Variants in ETNK1 observed in about 807,000 individuals in gnomAD.
The protein encoded by ETNK1 is ethanolamine kinase 1, also known as putative protein product of Nbla10396.
In ETNK1, 8 loss-of-function variants were observed where a neutral mutation model predicts 45.1. The ratio of observed to expected loss-of-function variants is 0.18; its 90% CI spans 0.10 to 0.32. The LOEUF is 0.32. Ranked by LOEUF, ETNK1 falls within the 10% of genes least tolerant of loss-of-function variation. ETNK1 has a pLI of 1.00. For synonymous variants in ETNK1, 152 were observed against 151.9 expected (o/e 1.00, Z -0.01); for missense variants, 302 against 430.6 (o/e 0.70, Z 2.64).
At chr12:22,640,996 A>G (rs1953728853) in intron 1 of ETNK1, among the ~76,000 whole-genome samples, 1 of 152,168 alleles carries the variant, frequency 6.6e-6, no homozygotes, top group African/African-American at 2.4e-5. Flanking sequence ...TTAATAGTAT[A>G]TTTTAGATGA....
chr12:22,655,422 C>T (rs1387130809), intron 2 of ETNK1, among the ~76,000 whole-genome samples: 3 of 151,402 alleles, frequency 2.0e-5, no homozygotes, highest in East Asian at 3.9e-4. Flanking sequence ...CTGCAACCTC[C>T]GCCGCCTGGG....
chr12:22,673,058 T>G (rs890083338), intron 5 of ETNK1, among the ~76,000 whole-genome samples: 2 of 152,146 alleles, frequency 1.3e-5, no homozygotes, highest in Non-Finnish European at 2.9e-5. Context: ...ATCATGCCAC[T>G]GCACTCCAGC....
At chr12:22,641,809 G>A (rs986699354) in intron 1 of ETNK1, among the ~76,000 whole-genome samples, 1 of 151,894 alleles carries the variant, frequency 6.6e-6, no homozygotes, top group African/African-American at 2.4e-5. Flanking sequence ...TTATTCTAGC[G>A]GTTTCTTTCC....
intron 2 of ETNK1, among the ~76,000 whole-genome samples, chr12:22,651,810 C>T (rs912201660): frequency 1.3e-5 from 2 of 151,238 alleles, no homozygotes; most frequent in African/African-American, 4.9e-5. Context: ...ATCAGCCTCT[C>T]GAGTAGCTGG....
At position 22,633,548 on chromosome 12, in the gene ETNK1, TA is replaced by T. The variant is rs1953611635; in HGVS notation, c.156+7963del. Among the ~76,000 whole-genome samples, 7 of 152,358 alleles carry T rather than the reference TA, an allele frequency of 4.6e-5. No homozygotes were observed. In the South Asian group the frequency reaches 1.4e-3, roughly 32 times the overall value. On this transcript the variant is annotated intron_variant, in intron 1 of 7. Coordinates refer to ENST00000266517, the MANE Select transcript of ETNK1 (RefSeq NM_018638.5). ...CTATTCTTGACTTTTTAAGTTGCCA[TA>T]TAAGTTGTAGACTCAATTTTGGGAT... is the stretch of plus-strand genomic sequence containing the variant.
intron 2 of ETNK1, among the ~76,000 whole-genome samples, chr12:22,651,384 C>T (rs1953872465): frequency 6.6e-6 from 1 of 152,280 alleles, no homozygotes; most frequent in East Asian, 1.9e-4. Flanking sequence ...TCTACTGGCA[C>T]AGCTGCTGGC....
At chr12:22,681,691 A>G (rs957517224) in intron 6 of ETNK1, among the ~76,000 whole-genome samples, 13 of 152,008 alleles carry the variant, frequency 8.6e-5, no homozygotes, top group African/African-American at 2.9e-4. Flanking sequence ...ATAGAATACT[A>G]TTTTTCAAAA....
rs1954130718 is a variant in ETNK1 at position 22,673,493 on chromosome 12, T to C, written c.785-7T>C. ...AATTTTTGAGTGTAGTTTTTTTTCT[T>C]CTAAAGGTGTGAGTGATGTAGACTA... On this transcript the variant is annotated splice_region_variant and splice_polypyrimidine_tract_variant and intron_variant, in intron 5 of 7. Coordinates refer to ENST00000266517, the MANE Select transcript of ETNK1 (RefSeq NM_018638.5). 1 of 1,570,564 alleles carries C rather than the reference T, an allele frequency of 6.4e-7. No individual in the cohort carries two copies. Among genetic ancestry groups the C allele is most frequent in the East Asian group, 2.3e-5 (1 of 44,402 alleles).
At chr12:22,675,830 C>T (rs1000902003) in intron 6 of ETNK1, among the ~76,000 whole-genome samples, 1 of 152,110 alleles carries the variant, frequency 6.6e-6, no homozygotes, top group African/African-American at 2.4e-5. Context: ...AATTGATAGA[C>T]ATAAAACTTC....
chr12:22,684,286 G>A (rs780143975), intron 6 of ETNK1, among the ~76,000 whole-genome samples, 197 bp from the exon 7 acceptor site: 5 of 151,988 alleles, frequency 3.3e-5, no homozygotes, highest in Non-Finnish European at 7.4e-5. Context: ...ATCTCCTTTG[G>A]TGTTGACGAA....
intron 1 of ETNK1, among the ~76,000 whole-genome samples, chr12:22,629,160 C>T (rs534525058): frequency 2.0e-5 from 3 of 152,160 alleles, no homozygotes; most frequent in African/African-American, 7.2e-5. Context: ...ATATTGGATA[C>T]TTGAATCAAA....
Position 22,659,194 on chromosome 12 carries a change from C to G in ETNK1, c.557+40C>G, listed in dbSNP as rs1008171670. Reference sequence around the variant, plus strand: ...ACATTTGAAATTATGTTTTACATTGCTTTGCTCTATGATAGGGTTTCAAAG... The same window carrying G: ...ACATTTGAAATTATGTTTTACATTGGTTTGCTCTATGATAGGGTTTCAAAG... On this transcript the variant is annotated intron_variant, in intron 3 of 7. Transcript: ENST00000266517. The G allele has an allele frequency of 2.5e-6, 4 of 1,575,572 alleles. No homozygotes were observed. In the East Asian group the frequency reaches 6.8e-5, roughly 27 times the overall value.
At chr12:22,647,851 C>T (rs183638712) in intron 2 of ETNK1, among the ~76,000 whole-genome samples, 6 of 151,848 alleles carry the variant, frequency 4.0e-5, no homozygotes, top group East Asian at 1.9e-4. Flanking sequence ...TTGGCTTTAA[C>T]GAGTATGGAA....
intron 6 of ETNK1, among the ~76,000 whole-genome samples, chr12:22,677,344 CCT>C (rs1954171953): frequency 6.6e-6 from 1 of 152,050 alleles, no homozygotes; most frequent in East Asian, 1.9e-4. Context: ...ATTTCTGAGA[CCT>C]CTGTTCTGTT....
chr12:22,662,065 C>G (rs1346116986), intron 4 of ETNK1, among the ~76,000 whole-genome samples: 1 of 146,002 alleles, frequency 6.8e-6, no homozygotes, highest in Non-Finnish European at 1.5e-5. Flanking sequence ...CACCCCCCCC[C>G]CCTTTTTTTT....
At chr12:22,654,630 G>A (rs990495713) in intron 2 of ETNK1, among the ~76,000 whole-genome samples, 4 of 152,068 alleles carry the variant, frequency 2.6e-5, no homozygotes, top group Admixed American at 6.6e-5. Flanking sequence ...CTGACCACAA[G>A]AACAGATCAA....
chr12:22,656,923 G>A, intron 2 of ETNK1: 2 of 553,770 alleles, frequency 3.6e-6, no homozygotes, highest in African/African-American at 2.0e-5. Context: ...ATGTAACACA[G>A]ATTGTATCTT....
rs955769861 is a variant in ETNK1 at position 22,689,158 on chromosome 12, A to G, written c.*4204A>G. The stretch of plus-strand genomic sequence containing the variant: ...ATTTCTCTGAACAGTTTTTACACTG[A>G]AAATCTTCATTTCTGGATTGCAGTT... On this transcript the variant is annotated 3_prime_UTR_variant, in exon 8 of 8. Coordinates refer to ENST00000266517, the MANE Select transcript of ETNK1 (RefSeq NM_018638.5). 6.6e-6 allele frequency: 1 copy of G among 151,972 alleles called. No homozygotes were observed. The highest frequency in any genetic ancestry group is 1.5e-5 in the Non-Finnish European group (1 of 67,828). 9.4% of individuals were successfully genotyped at this position (151,972 alleles called of 1,614,324 possible).
At chr12:22,674,251 C>G (rs1226007017) in intron 6 of ETNK1, among the ~76,000 whole-genome samples, 1 of 152,074 alleles carries the variant, frequency 6.6e-6, no homozygotes, top group Non-Finnish European at 1.5e-5. Flanking sequence ...TAATATGATA[C>G]ATTAGAATGA....
Sources: gnomAD v4.1 joint callset for allele counts (sites outside exome capture counted in the v4.1 genomes callset) on GRCh38, gnomAD v4.1.1 for gene constraint, MANE v1.5 for transcripts, NCBI Gene and HGNC (gene_info 2026-07-23, HGNC 2026-07-21) for gene names.